BRF1: variants seen among roughly 807,000 people sequenced by gnomAD.
BRF1 encodes the protein transcription factor IIIB 90 kDa subunit.
Under a neutral mutation model 81.7 loss-of-function variants are expected in BRF1, and 59 were observed. The ratio of observed to expected loss-of-function variants is 0.72; its 90% CI spans 0.59 to 0.90. The LOEUF (loss-of-function observed/expected upper bound fraction) is 0.90, where lower values mean the gene tolerates loss of function less well. Ranked by LOEUF, BRF1 falls within the 40% of genes least tolerant of loss-of-function variation. The pLI is 0.00. For missense variants in BRF1, 1,050 were observed against 936.3 expected, an observed-to-expected ratio of 1.12 and a Z score of -1.58; for synonymous variants, 491 against 395.6, an observed-to-expected ratio of 1.24 and a Z score of -2.86.
At chr14:105,290,058 T>A (rs1446813434) in intron 1 of BRF1, among the ~76,000 whole-genome samples, 2 of 152,250 alleles carry the variant, frequency 1.3e-5, no homozygotes, top group African/African-American at 4.8e-5. Context: ...TATATTCTAA[T>A]TAGTGTATAT....
intron 5 of BRF1, among the ~76,000 whole-genome samples, chr14:105,251,852 TTCTG>T (rs1214452174): frequency 6.6e-6 from 1 of 151,990 alleles, no homozygotes; most frequent in African/African-American, 2.4e-5. Context: ...CTAGGTTAGA[TTCTG>T]CATGCATGAA....
intron 5 of BRF1, chr14:105,248,670 G>A: frequency 1.0e-6 from 1 of 981,566 alleles, no homozygotes; most frequent in Middle Eastern, 5.2e-4. Flanking sequence ...GGTGGCAGGG[G>A]AGCGGGTGGC....
chr14:105,301,739 C>T (rs1385853894), upstream of BRF1, among the ~76,000 whole-genome samples: 1 of 152,244 alleles, frequency 6.6e-6, no homozygotes, highest in South Asian at 2.1e-4. Flanking sequence ...CCTCGCTGTG[C>T]CCCCTGCCCA....
intron 5 of BRF1, chr14:105,249,981 C>T (rs1260638150): frequency 5.0e-6 from 8 of 1,612,540 alleles, no homozygotes; most frequent in Non-Finnish European, 5.9e-6. Flanking sequence ...CTGAACTGGG[C>T]CGAGGCGGAG....
intron 1 of BRF1, among the ~76,000 whole-genome samples, chr14:105,312,921 G>T (rs1307822119): frequency 6.6e-6 from 1 of 152,202 alleles, no homozygotes. Context: ...GGTACAGACT[G>T]TGTGGGTCAT....
intron 14 of BRF1, among the ~76,000 whole-genome samples, chr14:105,218,570 G>A (rs1341898162): frequency 1.3e-5 from 2 of 152,218 alleles, no homozygotes; most frequent in African/African-American, 2.4e-5. Flanking sequence ...CCTGCACCAC[G>A]AGGCTGAAGG....
intron 3 of BRF1, among the ~76,000 whole-genome samples, chr14:105,264,666 CA>C (rs56970432): frequency 0.036 from 2,188 of 60,762 alleles, 10 homozygotes; most frequent in African/African-American, 0.08. Context: ...GACTCCATCT[CA>C]AAAAAAAAAA....
At position 105,226,241 on chromosome 14, in the gene BRF1, G is replaced by A. The variant is rs779689480; in HGVS notation, c.955+10C>T. On this transcript the variant is annotated intron_variant, in intron 9 of 17. Transcript: ENST00000547530. Reference sequence around the variant, plus strand: ...AACAGAAGCATTACATGGGAAGATTGGTTGGTTACCTTCAACCTCCTCCAG... The same window carrying A: ...AACAGAAGCATTACATGGGAAGATTAGTTGGTTACCTTCAACCTCCTCCAG... 3 of 1,613,960 alleles carry A rather than the reference G, an allele frequency of 1.9e-6. No homozygotes were observed. Among genetic ancestry groups the A allele is most frequent in the South Asian group, 2.2e-5 (2 of 91,074 alleles).
Position 105,250,575 on chromosome 14 carries a change from G to A in BRF1, c.544+1932C>T, listed in dbSNP as rs763874521. On this transcript the variant is annotated intron_variant, in intron 5 of 17. Coordinates refer to ENST00000547530, the MANE Select transcript of BRF1 (RefSeq NM_001519.4). The stretch of plus-strand genomic sequence containing the variant: ...CAGGAGGGGATGACGGAAGTGCAGT[G>A]TGGAAAGGTGGCCTTCCAGTTCCAG... The A allele has an allele frequency of 1.2e-5, 20 of 1,614,016 alleles. No homozygotes were observed. Among genetic ancestry groups the A allele is most frequent in the Admixed American group, 3.3e-5 (2 of 59,994 alleles).
At position 105,219,029 on chromosome 14, in the gene BRF1, T is replaced by C; in HGVS notation, c.1484A>G (p.Glu495Gly). 3.1e-6 allele frequency: 5 copies of C among 1,613,888 alleles called. No individual in the cohort carries two copies. The East Asian group carries it at 8.9e-5, about 29-fold the overall frequency. Residue 495 changes from glutamate to glycine, a missense_variant, in exon 14 of 18, where the codon GAG becomes GGG. Physicochemically the swap from Glu to Gly is moderately conservative, Grantham distance 98. Around this residue, in one of 2 missense-constraint regions of BRF1, gnomAD observed 1,043 missense variants for 915.4 expected, o/e 1.14. Coordinates refer to ENST00000547530, the MANE Select transcript of BRF1 (RefSeq NM_001519.4). Reference sequence around the variant, plus strand: ...TTCCTTGTAGATGCCGAGCTCCTTCTCTTTCGCTATTCTTGCTTCTTTTTC... The same window carrying C: ...TTCCTTGTAGATGCCGAGCTCCTTCCCTTTCGCTATTCTTGCTTCTTTTTC... ...QREKEARIAKEKELGIYKEHK... is the reference protein window; with the variant it reads ...QREKEARIAKGKELGIYKEHK...
intron 10 of BRF1, chr14:105,222,588 A>G (rs1464485479): frequency 6.6e-6 from 1 of 151,806 alleles, no homozygotes; most frequent in Non-Finnish European, 1.5e-5. Flanking sequence ...GCTCCCTTGC[A>G]CTTCCACGCA....
At chr14:105,294,521 C>G (rs1779804657) in intron 1 of BRF1, among the ~76,000 whole-genome samples, 1 of 152,230 alleles carries the variant, frequency 6.6e-6, no homozygotes. Context: ...GTTATCATCC[C>G]AACAGACATC....
chr14:105,306,544 C>CT (rs2140656995), intron 1 of BRF1, among the ~76,000 whole-genome samples: 1 of 152,168 alleles, frequency 6.6e-6, no homozygotes, highest in Admixed American at 6.5e-5. Context: ...ACCTCGTGAT[C>CT]TGCCCACCTC....
At chr14:105,267,580 G>A (rs587596929) in intron 3 of BRF1, among the ~76,000 whole-genome samples, 2 of 152,270 alleles carry the variant, frequency 1.3e-5, no homozygotes, top group South Asian at 2.1e-4. Context: ...CCAAAGTGAT[G>A]GGATTTACAG....
intron 1 of BRF1, among the ~76,000 whole-genome samples, chr14:105,308,481 CTTT>C (rs1227708197): frequency 3.2e-5 from 4 of 124,562 alleles, no homozygotes; most frequent in East Asian, 2.4e-4. Context: ...CAGATTCTGT[CTTT>C]TTTTTTTTTT....
intron 3 of BRF1, among the ~76,000 whole-genome samples, chr14:105,265,863 T>G (rs1021946946): frequency 7.0e-6 from 1 of 142,962 alleles, no homozygotes; most frequent in Admixed American, 7.3e-5. Flanking sequence ...ATCATGCCAC[T>G]GCACTCCAGC....
intron 1 of BRF1, among the ~76,000 whole-genome samples, chr14:105,299,542 A>T (rs587732298): frequency 7.2e-5 from 11 of 151,840 alleles, no homozygotes; most frequent in African/African-American, 2.2e-4. Context: ...GCCATTGCAC[A>T]CCAGCCTGGG....
intron 15 of BRF1, among the ~76,000 whole-genome samples, chr14:105,216,033 GCACACACACTGCGTACACAGA>G (rs928870762): frequency 1.6e-4 from 20 of 126,534 alleles, no homozygotes; most frequent in Non-Finnish European, 2.7e-4. Flanking sequence ...ACAGACACAG[GCACACACACTGCGTACACAGA>G]CACAGGCACA....
At chr14:105,240,970 A>G (rs868144440) in intron 6 of BRF1, among the ~76,000 whole-genome samples, 1 of 152,244 alleles carries the variant, frequency 6.6e-6, no homozygotes, top group Non-Finnish European at 1.5e-5. Context: ...CCACGAGACC[A>G]CGGGCAGGGA....
Sources: allele counts gnomAD v4.1 joint callset (sites outside exome capture counted in the v4.1 genomes callset), GRCh38; gene constraint gnomAD v4.1.1; regional missense constraint gnomAD v4.1.1; transcripts MANE v1.5; gene names NCBI Gene and HGNC (gene_info 2026-07-23, HGNC 2026-07-21).